Variants in UBIAD1 observed in about 807,000 individuals in gnomAD.
UBIAD1 encodes the protein ubiA prenyltransferase domain-containing protein 1.
In UBIAD1, 12 loss-of-function variants were observed where a neutral mutation model predicts 20.1. That is an observed-to-expected ratio of 0.60 (90% CI 0.38 to 0.97). The LOEUF is 0.97. UBIAD1 is among the 50% of genes least tolerant of loss of function. The pLI, the probability that UBIAD1 is intolerant of heterozygous loss-of-function variation, is 0.00. For synonymous variants in UBIAD1, 207 were observed against 189.2 expected (o/e 1.09, Z -0.77); for missense variants, 333 against 419.5 (o/e 0.79, Z 1.80).
Position 11,285,943 on chromosome 1 carries a change from A to C in UBIAD1, c.829A>C (p.Thr277Pro). 1.9e-6 allele frequency: 3 copies of C among 1,614,162 alleles called. No homozygotes were observed. Among genetic ancestry groups the C allele is most frequent in the Non-Finnish European group, 2.5e-6 (3 of 1,180,034 alleles). The change falls in exon 2 of 2, where the codon ACA (threonine) becomes CCA (proline). Residue 277 changes from threonine to proline, a missense_variant. Thr to Pro is a conservative substitution (Grantham distance 38, BLOSUM62 -1). This residue lies in a region of UBIAD1 where 226 missense variants were observed against 263.5 expected (regional missense o/e 0.86). Transcript: ENST00000376810. The surrounding 1 kb of genome is among the most constrained non-coding windows in gnomAD (Gnocchi z 4.4). Reference sequence around the variant, plus strand: ...CTACCTGGTCTTCAGCATCCTGGCCACACACTGCACCATCAGCCTGGCACT... The same window carrying C: ...CTACCTGGTCTTCAGCATCCTGGCCCCACACTGCACCATCAGCCTGGCACT... ...LPYLVFSILA[T>P]HCTISLALPL...
chr1:11,285,568 T>G lies in UBIAD1; in HGVS notation c.530-76T>G. 1.2e-6 allele frequency: 2 copies of G among 1,607,266 alleles called. No homozygotes were observed. Among genetic ancestry groups the G allele is most frequent in the Non-Finnish European group, 1.7e-6 (2 of 1,177,316 alleles). ...TTACCATTTTCAGCCGGAAGTGGCCTGCCTCTTCACTGGTGAACAGTCCCT... is the reference window on the plus strand; with the variant it reads ...TTACCATTTTCAGCCGGAAGTGGCCGGCCTCTTCACTGGTGAACAGTCCCT... On this transcript the variant is annotated intron_variant, in intron 1 of 1. Coordinates refer to ENST00000376810, the MANE Select transcript of UBIAD1 (RefSeq NM_013319.3). This position sits in a 1 kb window ranked among gnomAD's most constrained non-coding sequence, Gnocchi z 4.4.
At chr1:11,282,412 A>G (rs1652269311) in intron 1 of UBIAD1, among the ~76,000 whole-genome samples, 1 of 152,194 alleles carries the variant, frequency 6.6e-6, no homozygotes. Flanking sequence ...GCCTTGGGCC[A>G]TGTATCAAAT....
chr1:11,286,246 T>G lies in UBIAD1; in HGVS notation c.*115T>G. ...CAGGGTACTAAGCATGGGTGGGAAC[T>G]CCTGCCTTATAAAAATTGTTTTTGT... On this transcript the variant is annotated 3_prime_UTR_variant, in exon 2 of 2. Transcript: ENST00000376810. 1 of 1,336,344 alleles carries G rather than the reference T, an allele frequency of 7.5e-7. No homozygotes were observed. Among genetic ancestry groups the G allele is most frequent in the Non-Finnish European group, 1.0e-6 (1 of 956,726 alleles). The allele number at this position is 1,336,344 out of a possible 1,614,324, so 82.8% of individuals were successfully genotyped here. A position where few individuals can be genotyped will look rare whatever the true frequency, so the allele number is the denominator to read the frequency against.
Position 11,273,935 on chromosome 1 carries a change from G to C in UBIAD1, c.404G>C (p.Gly135Ala), listed in dbSNP as rs916211527. Reference sequence around the variant, plus strand: ...GAGCCGCAGGATGTCGTCCGGTTCGGAGTCTTCCTCTACACGTTGGGCTGC... The same window carrying C: ...GAGCCGCAGGATGTCGTCCGGTTCGCAGTCTTCCTCTACACGTTGGGCTGC... ...ILEPQDVVRF[G>A]VFLYTLGCVC... is the part of the protein sequence containing the mutation. Residue 135 changes from glycine (G) to alanine (A), a missense_variant, in exon 1 of 2, where the codon GGA becomes GCA. Coordinates refer to ENST00000376810, the MANE Select transcript of UBIAD1 (RefSeq NM_013319.3). This position sits in a 1 kb window ranked among gnomAD's most constrained non-coding sequence, Gnocchi z 4.9. The C allele has an allele frequency of 1.4e-5, 22 of 1,614,120 alleles. No individual in the cohort carries two copies. Among genetic ancestry groups the C allele is most frequent in the Non-Finnish European group, 1.8e-5 (21 of 1,180,052 alleles).
Position 11,273,804 on chromosome 1 carries a change from C to T in UBIAD1, c.273C>T (p.Val91=), listed in dbSNP as rs562336121. 6.2e-7 allele frequency: 1 copy of T among 1,614,178 alleles called. No homozygotes were observed. Among genetic ancestry groups the T allele is most frequent in the South Asian group, 1.1e-5 (1 of 91,078 alleles). ...TCTTGGTGGGTTGTGCCGTGGCTGT[C>T]CTGGCTGTGCACGGGGCCGGTAATT... The part of the protein sequence containing the change: ...PRLLVGCAVA[V]LAVHGAGNLV... The change falls in exon 1 of 2, where the codon GTC becomes GTT. Residue 91 remains valine (V), a synonymous_variant. Transcript: ENST00000376810. The surrounding 1 kb of genome is among the most constrained non-coding windows in gnomAD (Gnocchi z 4.9).
intron 1 of UBIAD1, among the ~76,000 whole-genome samples, chr1:11,282,652 C>T (rs763335972): frequency 3.3e-5 from 5 of 151,466 alleles, no homozygotes; most frequent in Admixed American, 3.3e-4. Flanking sequence ...CAACCTCTGC[C>T]TCCTGGTTCA....
chr1:11,294,097 A>G (rs908432494), intron 1 of UBIAD1, among the ~76,000 whole-genome samples: 8 of 152,188 alleles, frequency 5.3e-5, no homozygotes, highest in African/African-American at 1.9e-4. Context: ...TCATTTGTTG[A>G]ATGCTCACTA....
rs1419592152 is a variant in UBIAD1 at position 11,273,347 on chromosome 1, C to T, written c.-185C>T. 2 of 668,730 alleles carry T rather than the reference C, an allele frequency of 3.0e-6. No individual in the cohort carries two copies. Among genetic ancestry groups the T allele is most frequent in the Non-Finnish European group, 5.1e-6 (2 of 393,558 alleles). 41.4% of individuals were successfully genotyped at this position (668,730 alleles called of 1,614,324 possible). ...GTGACGGGTAGTAGGGGCGGCGCCG[C>T]TTGGCCTCGTGGGGTGTAAGACCCA... is the stretch of plus-strand genomic sequence containing the variant. On this transcript the variant is annotated 5_prime_UTR_variant, in exon 1 of 2. Coordinates refer to ENST00000376810, the MANE Select transcript of UBIAD1 (RefSeq NM_013319.3). The surrounding 1 kb of genome is among the most constrained non-coding windows in gnomAD (Gnocchi z 4.9).
At chr1:11,290,257 T>G (rs1409970104), downstream of UBIAD1, among the ~76,000 whole-genome samples, 1 of 152,198 alleles carries the variant, frequency 6.6e-6, no homozygotes, top group Non-Finnish European at 1.5e-5. Context: ...CTCCCAAATG[T>G]CTGGGATCAC....
intron 1 of UBIAD1, among the ~76,000 whole-genome samples, chr1:11,277,979 T>C (rs946845343): frequency 5.3e-5 from 8 of 151,960 alleles, no homozygotes; most frequent in African/African-American, 1.7e-4. Context: ...TTGTTTGAGA[T>C]GGGGGTCTTA....
Position 11,273,925 on chromosome 1 carries a change from G to A in UBIAD1, c.394G>A (p.Val132Ile). 1 of 1,614,206 alleles carries A rather than the reference G, an allele frequency of 6.2e-7. No individual in the cohort carries two copies. The highest frequency in any genetic ancestry group is 8.5e-7 in the Non-Finnish European group (1 of 1,180,032). ...VDRILEPQDV[V>I]RFGVFLYTLG... Reference sequence around the variant, plus strand: ...CCGAATCTTGGAGCCGCAGGATGTCGTCCGGTTCGGAGTCTTCCTCTACAC... The same window carrying A: ...CCGAATCTTGGAGCCGCAGGATGTCATCCGGTTCGGAGTCTTCCTCTACAC... Residue 132 changes from valine to isoleucine, a missense_variant, in exon 1 of 2, where the codon GTC becomes ATC. This residue lies in a region of UBIAD1 where 226 missense variants were observed against 263.5 expected (regional missense o/e 0.86). Coordinates refer to ENST00000376810, the MANE Select transcript of UBIAD1 (RefSeq NM_013319.3). This position sits in a 1 kb window ranked among gnomAD's most constrained non-coding sequence, Gnocchi z 4.9.
At chr1:11,281,316 T>C (rs908795669) in intron 1 of UBIAD1, among the ~76,000 whole-genome samples, 2 of 152,166 alleles carry the variant, frequency 1.3e-5, no homozygotes, top group South Asian at 4.1e-4. Flanking sequence ...TCATAGCACA[T>C]GTTACCTTCT....
Position 11,285,499 on chromosome 1 carries a change from G to T in UBIAD1, c.530-145G>T. 1 of 1,245,356 alleles carries T rather than the reference G, an allele frequency of 8.0e-7. No homozygotes were observed. The highest frequency in any genetic ancestry group is 1.1e-6 in the Non-Finnish European group (1 of 878,788). The allele number at this position is 1,245,356 out of a possible 1,614,324, so 77.1% of individuals were successfully genotyped here. ...AGAAGAAATCAGAATTTGCTCTGTG[G>T]GGTTAAGGGATGAAATGAGTGCCCA... On this transcript the variant is annotated intron_variant, in intron 1 of 1. Transcript: ENST00000376810. This position sits in a 1 kb window ranked among gnomAD's most constrained non-coding sequence, Gnocchi z 4.4.
At chr1:11,290,262 G>T (rs1022589222), downstream of UBIAD1, among the ~76,000 whole-genome samples, 2 of 152,198 alleles carry the variant, frequency 1.3e-5, no homozygotes, top group Non-Finnish European at 2.9e-5. Flanking sequence ...AAATGTCTGG[G>T]ATCACCCAGA....
Position 11,273,970 on chromosome 1 carries a change from G to C in UBIAD1, c.439G>C (p.Ala147Pro). 1.9e-6 allele frequency: 3 copies of C among 1,614,174 alleles called. No individual in the cohort carries two copies. Among genetic ancestry groups the C allele is most frequent in the Non-Finnish European group, 1.7e-6 (2 of 1,180,036 alleles). Residue 147 changes from alanine (A) to proline (P), a missense_variant, in exon 1 of 2, where the codon GCT (alanine) becomes CCT (proline). Ala to Pro is a conservative substitution (Grantham distance 27, BLOSUM62 -1). Coordinates refer to ENST00000376810, the MANE Select transcript of UBIAD1 (RefSeq NM_013319.3). This position sits in a 1 kb window ranked among gnomAD's most constrained non-coding sequence, Gnocchi z 4.9. ...FLYTLGCVCAACLYYLSPLKL... is the reference protein window; with the variant it reads ...FLYTLGCVCAPCLYYLSPLKL... ...CTACACGTTGGGCTGCGTCTGTGCCGCTTGCCTCTACTACCTGTCCCCTCT... is the reference window on the plus strand; with the variant it reads ...CTACACGTTGGGCTGCGTCTGTGCCCCTTGCCTCTACTACCTGTCCCCTCT...
chr1:11,298,593 TA>T (rs1292571528), downstream of UBIAD1, among the ~76,000 whole-genome samples: 1 of 151,668 alleles, frequency 6.6e-6, no homozygotes, highest in African/African-American at 2.4e-5. This position sits in a 1 kb window ranked among gnomAD's most constrained non-coding sequence, Gnocchi z 4.0. Flanking sequence ...AATAAATAAA[TA>T]AATAAATAAA....
At chr1:11,274,930 CATTT>C (rs1377481355) in intron 1 of UBIAD1, among the ~76,000 whole-genome samples, 1 of 151,968 alleles carries the variant, frequency 6.6e-6, no homozygotes, top group Non-Finnish European at 1.5e-5. Flanking sequence ...TTTTCTGTCT[CATTT>C]TTTTTTTTAA....
chr1:11,296,636 C>T (rs1638453019), downstream of UBIAD1, among the ~76,000 whole-genome samples: 1 of 152,194 alleles, frequency 6.6e-6, no homozygotes, highest in African/African-American at 2.4e-5. Flanking sequence ...CTTCCCACCT[C>T]AGCCTCCAGA....
intron 1 of UBIAD1, among the ~76,000 whole-genome samples, chr1:11,284,150 A>T (rs1381839680): frequency 6.6e-6 from 1 of 152,248 alleles, no homozygotes; most frequent in Non-Finnish European, 1.5e-5. Context: ...CATGGCAGGC[A>T]TATTGCCATG....
Sources: allele counts gnomAD v4.1 joint callset (sites outside exome capture counted in the v4.1 genomes callset), GRCh38; gene constraint gnomAD v4.1.1; regional missense constraint gnomAD v4.1.1; non-coding constraint Gnocchi (gnomAD v3.1); transcripts MANE v1.5; gene names NCBI Gene and HGNC (gene_info 2026-07-23, HGNC 2026-07-21).